Variants in FCHO1 observed in about 807,000 individuals in gnomAD.
FCHO1 encodes F-BAR domain only protein 1.
Under a neutral mutation model 114.4 loss-of-function variants are expected in FCHO1, and 45 were observed. That is an observed-to-expected ratio of 0.39 (90% CI 0.31 to 0.50). FCHO1 has a LOEUF of 0.50. Ranked by LOEUF, FCHO1 falls within the 20% of genes least tolerant of loss-of-function variation. FCHO1 has a pLI of 0.77. For missense variants in FCHO1, 1,042 were observed against 1,209.6 expected (o/e 0.86, Z 2.06); for synonymous variants, 480 against 488.9 (o/e 0.98, Z 0.24).
chr19:17,788,244 C>CAACA, intron 28 of FCHO1, 40 bp from the exon 29 acceptor site: 1 of 1,234,414 alleles, frequency 8.1e-7, no homozygotes, highest in Non-Finnish European at 1.2e-6. Context: ...TCCCGTACCC[C>CAACA]TCCTCCCCAC....
At chr19:17,766,857 C>CG (rs1464614692) in intron 7 of FCHO1, 47 bp downstream of exon 7, 1 of 1,590,272 alleles carries the variant, frequency 6.3e-7, no homozygotes, top group Non-Finnish European at 8.6e-7. Context: ...TGTGGAACAC[C>CG]GGCAGCTCAC....
intron 7 of FCHO1, 151 bp downstream of exon 7, chr19:17,766,961 C>A: frequency 1.1e-6 from 1 of 923,580 alleles, no homozygotes; most frequent in Non-Finnish European, 1.6e-6. Context: ...GTCTTACGGA[C>A]CTGAGCGTTG....
At position 17,787,854 on chromosome 19, in the gene FCHO1, C is replaced by T. The variant is rs746632543; in HGVS notation, c.2647+8C>T. The T allele has an allele frequency of 2.5e-6, 4 of 1,610,932 alleles. No individual in the cohort carries two copies. Among genetic ancestry groups the T allele is most frequent in the Non-Finnish European group, 3.4e-6 (4 of 1,178,472 alleles). On this transcript the variant is annotated splice_region_variant and intron_variant, in intron 28 of 28. Transcript: ENST00000596536. ...AGAGGAGGTTTGCCACAGGTACTCC[C>T]CAACCCTGCTGCTGGGTGACCTCAG...
chr19:17,760,929 G>A (rs1028969150), intron 4 of FCHO1, among the ~76,000 whole-genome samples: 3 of 152,110 alleles, frequency 2.0e-5, no homozygotes, highest in Non-Finnish European at 2.9e-5. Context: ...GATTACAGGG[G>A]TGAGCCACCG....
At position 17,776,108 on chromosome 19, in the gene FCHO1, G is replaced by T; in HGVS notation, c.1129G>T (p.Ala377Ser). 6.2e-7 allele frequency: 1 copy of T among 1,612,868 alleles called. No individual in the cohort carries two copies. The highest frequency in any genetic ancestry group is 8.5e-7 in the Non-Finnish European group (1 of 1,179,910). The change falls in exon 16 of 29, where the codon GCG (alanine) becomes TCG (serine). Residue 377 changes from alanine (A) to serine (S), a missense_variant. Physicochemically the swap from Ala to Ser is moderately conservative, Grantham distance 99 (BLOSUM62 1). Around this residue, in one of 3 missense-constraint regions of FCHO1, gnomAD observed 450 missense variants for 564.1 expected, o/e 0.80. Transcript: ENST00000596536. This position sits in a 1 kb window ranked among gnomAD's most constrained non-coding sequence, Gnocchi z 4.4. ...TCCAGCCTGCAGCCCCGAGGCAGCA[G>T]CGGCACAGCTCAGGGCCACCGCGGG... is the stretch of plus-strand genomic sequence containing the variant. ...RAPACSPEAA[A>S]AQLRATAGSL...
At position 17,778,196 on chromosome 19, in the gene FCHO1, T is replaced by C. The variant is rs1287446524; in HGVS notation, c.1319T>C (p.Leu440Pro). The change falls in exon 19 of 29, where the codon CTG becomes CCG. Residue 440 changes from leucine (L) to proline (P), a missense_variant. Coordinates refer to ENST00000596536, the MANE Select transcript of FCHO1 (RefSeq NM_015122.3). ...TCCAAGAACCTCTTTGGGCCGCCCC[T>C]GGAGTCAGCCTTTGACCACGAAGAT... ...QVSKNLFGPP[L>P]ESAFDHEDFT... is the part of the protein sequence containing the mutation. The C allele has an allele frequency of 2.5e-6, 4 of 1,613,938 alleles. No individual in the cohort carries two copies. The highest frequency in any genetic ancestry group is 1.7e-5 in the Admixed American group (1 of 60,016).
At chr19:17,780,794 C>G (rs754019062) in intron 20 of FCHO1, among the ~76,000 whole-genome samples, 1 of 151,972 alleles carries the variant, frequency 6.6e-6, no homozygotes, top group Non-Finnish European at 1.5e-5. Flanking sequence ...GAACCAGGAC[C>G]CTGAGGAAGC....
At chr19:17,778,526 G>T in intron 19 of FCHO1, 83 bp from the exon 20 acceptor site, 1 of 1,435,922 alleles carries the variant, frequency 7.0e-7, no homozygotes, top group Non-Finnish European at 9.2e-7. Context: ...ACCTTCCCTC[G>T]ACGTGGCCGT....
chr19:17,775,615 GGA>G lies in FCHO1; in HGVS notation c.1003+108_1003+109del, dbSNP rs2092518102. 6 of 1,118,938 alleles carry G rather than the reference GGA, an allele frequency of 5.4e-6. No individual in the cohort carries two copies. The East Asian group carries it at 1.2e-4, about 22-fold the overall frequency. 69.3% of individuals were successfully genotyped at this position (1,118,938 alleles called of 1,614,324 possible). The stretch of plus-strand genomic sequence containing the variant: ...CAGCAGTCCTCTCTGTGTACATCCT[GGA>G]GAGAGTCTCCTTTGTGGATGAAGCC... On this transcript the variant is annotated intron_variant, in intron 15 of 28. Transcript: ENST00000596536. The surrounding 1 kb of genome is among the most constrained non-coding windows in gnomAD (Gnocchi z 5.1).
chr19:17,771,370 AG>A (rs372110650), intron 9 of FCHO1, among the ~76,000 whole-genome samples: 23,263 of 143,004 alleles, frequency 0.16, 2,060 homozygotes, highest in African/African-American at 0.19. Context: ...AAAAAAAAAA[AG>A]AAAAGAAAAG....
At position 17,776,626 on chromosome 19, in the gene FCHO1, C is replaced by A; in HGVS notation, c.1208-9C>A. The A allele has an allele frequency of 6.2e-7, 1 of 1,613,882 alleles. No individual in the cohort carries two copies. Reference sequence around the variant, plus strand: ...GACAAGAAGGCTGAAGGAGGTGCATCTCTTGTAGGGGACGCTGCTGGGAAA... The same window carrying A: ...GACAAGAAGGCTGAAGGAGGTGCATATCTTGTAGGGGACGCTGCTGGGAAA... On this transcript the variant is annotated splice_polypyrimidine_tract_variant and intron_variant, in intron 17 of 28. Coordinates refer to ENST00000596536, the MANE Select transcript of FCHO1 (RefSeq NM_015122.3). The surrounding 1 kb of genome is among the most constrained non-coding windows in gnomAD (Gnocchi z 4.4).
At chr19:17,771,739 A>G (rs12978543) in intron 9 of FCHO1, among the ~76,000 whole-genome samples, 54,980 of 152,144 alleles carry the variant, frequency 0.36, 11,297 homozygotes, top group East Asian at 0.76. Context: ...GTAAAGTTTT[A>G]TTTTTGAGTT....
At position 17,778,117 on chromosome 19, in the gene FCHO1, C is replaced by T. The variant is rs568231266; in HGVS notation, c.1260-20C>T. The T allele has an allele frequency of 1.2e-6, 2 of 1,600,764 alleles. No homozygotes were observed. Among genetic ancestry groups the T allele is most frequent in the Admixed American group, 3.3e-5 (2 of 60,002 alleles). On this transcript the variant is annotated intron_variant, in intron 18 of 28. Coordinates refer to ENST00000596536, the MANE Select transcript of FCHO1 (RefSeq NM_015122.3). ...GCTTGGGAAAAATAGAAGCAGCCCT[C>T]TTGGCCTCACCCTCTCTAGCTGTGC...
At chr19:17,788,244 C>T in intron 28 of FCHO1, 40 bp from the exon 29 acceptor site, 4 of 1,234,412 alleles carry the variant, frequency 3.2e-6, no homozygotes, top group Non-Finnish European at 4.7e-6. Context: ...TCCCGTACCC[C>T]TCCTCCCCAC....
intron 9 of FCHO1, 93 bp from the exon 10 acceptor site, chr19:17,772,364 G>A (rs1455238659): frequency 7.6e-6 from 7 of 918,904 alleles, no homozygotes; most frequent in Admixed American, 5.4e-5. Context: ...TGAGCCAAGG[G>A]CTTAGGGTAT....
At position 17,765,361 on chromosome 19, in the gene FCHO1, AC is replaced by A. The variant is rs373240817; in HGVS notation, c.194+913del. Among the ~76,000 whole-genome samples the A allele has an allele frequency of 5.1e-4, 77 of 152,188 alleles. No homozygotes were observed. In the East Asian group the frequency reaches 0.014, roughly 27 times the overall value. ...GGCAGGGTGAGGCCTCAGGGGCCTG[AC>A]ACACAAATGACTTTGCATGAACCTT... On this transcript the variant is annotated intron_variant, in intron 6 of 28. Coordinates refer to ENST00000596536, the MANE Select transcript of FCHO1 (RefSeq NM_015122.3).
chr19:17,781,336 G>A lies in FCHO1; in HGVS notation c.1733G>A (p.Gly578Glu), dbSNP rs1263629988. The A allele has an allele frequency of 1.2e-6, 2 of 1,613,478 alleles. No homozygotes were observed. Among genetic ancestry groups the A allele is most frequent in the African/African-American group, 1.3e-5 (1 of 74,906 alleles). Residue 578 changes from glycine to glutamate, a missense_variant, in exon 21 of 29, where the codon GGG (glycine) becomes GAG (glutamate). Around this residue, in one of 3 missense-constraint regions of FCHO1, gnomAD observed 455 missense variants for 455.4 expected, o/e 1.00. Transcript: ENST00000596536. ...TCCTGCCCTCTCACACGTAGCAATG[G>A]GGACCTGGTAGGTGAGGGGGCGTGG... ...KVSCPLTRSN[G>E]DLSRSLSPSP...
In FCHO1 at chr19:17,762,836, G is replaced by C. The variant is rs771609837; in HGVS notation, c.102G>C (p.Ala34=). The C allele has an allele frequency of 6.2e-7, 1 of 1,613,354 alleles. No individual in the cohort carries two copies. The highest frequency in any genetic ancestry group is 8.5e-7 in the Non-Finnish European group (1 of 1,179,440). The change falls in exon 5 of 29, where the codon GCG becomes GCC. Residue 34 remains alanine, a synonymous_variant. Transcript: ENST00000596536. The part of the protein sequence containing the change: ...KQGPISTKEL[A]DFIRERATIE... The stretch of plus-strand genomic sequence containing the variant: ...GGCCCATCTCCACCAAGGAGCTGGC[G>C]GACTTCATCCGGGAGAGGTGAGGTC...
At position 17,775,955 on chromosome 19, in the gene FCHO1, A is replaced by G; in HGVS notation, c.1004-28A>G. On this transcript the variant is annotated intron_variant, in intron 15 of 28. Coordinates refer to ENST00000596536, the MANE Select transcript of FCHO1 (RefSeq NM_015122.3). The surrounding 1 kb of genome is among the most constrained non-coding windows in gnomAD (Gnocchi z 5.1). The stretch of plus-strand genomic sequence containing the variant: ...TGACTGGGGGAAAGCTTGTGTTGGG[A>G]TTGGCTTGGACCTTGACTGCAGCCC... 6.3e-7 allele frequency: 1 copy of G among 1,598,266 alleles called. No individual in the cohort carries two copies. Among genetic ancestry groups the G allele is most frequent in the Non-Finnish European group, 8.5e-7 (1 of 1,175,686 alleles).
Sources: gnomAD v4.1 joint callset for allele counts (sites outside exome capture counted in the v4.1 genomes callset) on GRCh38, gnomAD v4.1.1 for gene constraint, gnomAD v4.1.1 regional missense constraint, Gnocchi (gnomAD v3.1) non-coding constraint, MANE v1.5 for transcripts, NCBI Gene and HGNC (gene_info 2026-07-23, HGNC 2026-07-21) for gene names.